The following RAB20 variants were observed in gnomAD, a reference collection of about 807,000 sequenced individuals.
RAB20 encodes the protein ras-related protein Rab-20.
In RAB20, 2 loss-of-function variants were observed where a neutral mutation model predicts 3.7. The ratio of observed to expected loss-of-function variants is 0.54; its 90% confidence interval spans 0.22 to 1.69. RAB20 has a LOEUF of 1.69. RAB20 is among the 40% of genes most tolerant of loss of function. The pLI is 0.19. For missense variants in RAB20, 276 were observed against 311.9 expected (o/e 0.88, Z 0.87); for synonymous variants, 126 against 130.8 (o/e 0.96, Z 0.25).
chr13:110,524,177 G>A lies in RAB20; in HGVS notation c.193C>T (p.Leu65=). Residue 65 remains leucine, a synonymous_variant, in exon 2 of 2, where the codon CTG becomes TTG. Transcript: ENST00000267328. ...DTAGREQFHG[L]GSMYCRGAAA... The stretch of plus-strand genomic sequence containing the variant: ...GCCCCCCGGCAGTACATGGAGCCCA[G>A]GCCGTGGAACTGCTCCCGCCCTGGT... The A allele has an allele frequency of 1.9e-6, 3 of 1,597,788 alleles. No individual in the cohort carries two copies. The highest frequency in any genetic ancestry group is 1.1e-5 in the South Asian group (1 of 90,618).
At chr13:110,530,103 C>T (rs533750338) in intron 1 of RAB20, among the ~76,000 whole-genome samples, 1 of 152,126 alleles carries the variant, frequency 6.6e-6, no homozygotes, top group Admixed American at 6.5e-5. Flanking sequence ...CAGACAGGGC[C>T]CTGGGGAGGC....
At chr13:110,558,638 T>A (rs1055143656) in intron 1 of RAB20, among the ~76,000 whole-genome samples, 1 of 149,540 alleles carries the variant, frequency 6.7e-6, no homozygotes, top group African/African-American at 2.5e-5. Context: ...CGCCTCACCC[T>A]CCTAAAGTGC....
chr13:110,531,269 C>G (rs1884536093), intron 1 of RAB20, among the ~76,000 whole-genome samples: 2 of 152,190 alleles, frequency 1.3e-5, no homozygotes, highest in South Asian at 4.1e-4. Context: ...GCCTAGGGCC[C>G]CTTTGAGGTG....
At chr13:110,554,565 C>G (rs2139590350) in intron 1 of RAB20, among the ~76,000 whole-genome samples, 1 of 152,322 alleles carries the variant, frequency 6.6e-6, no homozygotes, top group African/African-American at 2.4e-5. Context: ...AGGCCAATCT[C>G]TTAGCTAACT....
intron 1 of RAB20, among the ~76,000 whole-genome samples, chr13:110,543,364 C>T (rs529047124): frequency 6.6e-6 from 1 of 152,308 alleles, no homozygotes; most frequent in African/African-American, 2.4e-5. Context: ...CTTCTGGCCT[C>T]AAGTGATCCT....
At chr13:110,535,191 T>C (rs1566585474) in intron 1 of RAB20, among the ~76,000 whole-genome samples, 1 of 152,146 alleles carries the variant, frequency 6.6e-6, no homozygotes, top group Admixed American at 6.5e-5. Flanking sequence ...AAATTCAGAA[T>C]TCTTCCTCAT....
chr13:110,553,349 C>T (rs1321551800), intron 1 of RAB20, among the ~76,000 whole-genome samples: 1 of 152,220 alleles, frequency 6.6e-6, no homozygotes, highest in South Asian at 2.1e-4. Context: ...TTGAGTTGAA[C>T]TGAATCTTGG....
At chr13:110,527,857 G>A (rs1884456540) in intron 1 of RAB20, among the ~76,000 whole-genome samples, 1 of 151,528 alleles carries the variant, frequency 6.6e-6, no homozygotes, top group Admixed American at 6.6e-5. Flanking sequence ...CCAGGAGTTG[G>A]AGCCCAGCTT....
At chr13:110,543,773 TA>T (rs1474261481) in intron 1 of RAB20, among the ~76,000 whole-genome samples, 153 of 147,880 alleles carry the variant, frequency 1.0e-3, no homozygotes, top group Admixed American at 4.1e-3. Context: ...AAATGTGGGT[TA>T]TTTTTTTTTT....
At position 110,554,924 on chromosome 13, in the gene RAB20, C is replaced by A. The variant is rs150196626; in HGVS notation, c.172+6424G>T. On this transcript the variant is annotated intron_variant, in intron 1 of 1. Coordinates refer to ENST00000267328, the MANE Select transcript of RAB20 (RefSeq NM_017817.3). ...AGAAACCCGTACTCTAGGTCCTGAGCCAAGCAGCATCCAGACCTTGGGTTC... is the reference window on the plus strand; with the variant it reads ...AGAAACCCGTACTCTAGGTCCTGAGACAAGCAGCATCCAGACCTTGGGTTC... 2.4e-4 allele frequency among the ~76,000 whole-genome samples: 36 copies of A among 152,050 alleles called. 2 individuals carry two copies. The East Asian group carries it at 7.0e-3, about 30-fold the overall frequency.
intron 1 of RAB20, among the ~76,000 whole-genome samples, chr13:110,557,669 G>A (rs746597749): frequency 2.1e-4 from 32 of 152,238 alleles, no homozygotes; most frequent in Non-Finnish European, 4.1e-4. Context: ...CCAGTCCCCA[G>A]AGACGCAGCT....
chr13:110,559,487 G>A (rs917650502), intron 1 of RAB20, among the ~76,000 whole-genome samples: 1 of 151,886 alleles, frequency 6.6e-6, no homozygotes, highest in Non-Finnish European at 1.5e-5. Flanking sequence ...TCAGGCCACA[G>A]GCCACCGAGG....
chr13:110,561,297 C>T (rs1288180595), intron 1 of RAB20, 51 bp downstream of exon 1: 4 of 1,496,592 alleles, frequency 2.7e-6, no homozygotes, highest in Non-Finnish European at 3.6e-6. Flanking sequence ...CCGCGCCCCC[C>T]GTCCCCGGCG....
intron 1 of RAB20, among the ~76,000 whole-genome samples, chr13:110,536,922 C>T (rs1477106099): frequency 2.4e-4 from 11 of 46,334 alleles, no homozygotes; most frequent in Non-Finnish European, 4.9e-4. Context: ...AATGCTTTCC[C>T]TCCCCCCTCC....
In RAB20 at chr13:110,523,834, C is replaced by T; in HGVS notation, c.536G>A (p.Cys179Tyr). The T allele has an allele frequency of 2.5e-6, 4 of 1,614,236 alleles. No homozygotes were observed. Among genetic ancestry groups the T allele is most frequent in the Non-Finnish European group, 3.4e-6 (4 of 1,180,046 alleles). The change falls in exon 2 of 2, where the codon TGC becomes TAC. Residue 179 changes from cysteine to tyrosine, a missense_variant. Coordinates refer to ENST00000267328, the MANE Select transcript of RAB20 (RefSeq NM_017817.3). ...GCCGGTCTTGGCGCTGGTCTCAAAG[C>T]ACATTTGCTCAGCGGCCGGCACATC... ...EQDVPAAEQM[C>Y]FETSAKTGYN...
At position 110,561,701 on chromosome 13, in the gene RAB20, G is replaced by C; in HGVS notation, c.-182C>G. Reference sequence around the variant, plus strand: ...AGAGAGGAAGCGCGTGTGCGCGCCCGGGAAGGAGCTGGGTGCAGAGCACGG... The same window carrying C: ...AGAGAGGAAGCGCGTGTGCGCGCCCCGGAAGGAGCTGGGTGCAGAGCACGG... On this transcript the variant is annotated 5_prime_UTR_variant, in exon 1 of 2. Coordinates refer to ENST00000267328, the MANE Select transcript of RAB20 (RefSeq NM_017817.3). The C allele has an allele frequency of 8.8e-7, 1 of 1,139,876 alleles. No homozygotes were observed. The highest frequency in any genetic ancestry group is 1.1e-6 in the Non-Finnish European group (1 of 872,794). 70.6% of individuals were successfully genotyped at this position (1,139,876 alleles called of 1,614,324 possible). A position where few individuals can be genotyped will look rare whatever the true frequency, so the allele number is the denominator to read the frequency against.
intron 1 of RAB20, among the ~76,000 whole-genome samples, chr13:110,559,489 C>A (rs369236854): frequency 2.0e-5 from 3 of 152,006 alleles, no homozygotes; most frequent in African/African-American, 7.3e-5. Flanking sequence ...AGGCCACAGG[C>A]CACCGAGGAG....
At chr13:110,556,117 T>C (rs1163198835) in intron 1 of RAB20, among the ~76,000 whole-genome samples, 2 of 152,072 alleles carry the variant, frequency 1.3e-5, no homozygotes, top group Admixed American at 6.5e-5. Context: ...CAAAAGGAGG[T>C]GACACAGCCA....
At chr13:110,549,270 G>A (rs1038389144) in intron 1 of RAB20, among the ~76,000 whole-genome samples, 5 of 152,228 alleles carry the variant, frequency 3.3e-5, no homozygotes, top group Non-Finnish European at 7.3e-5. Flanking sequence ...TAAGTGTGTT[G>A]ATTTGTATCA....
Sources: allele counts gnomAD v4.1 joint callset (sites outside exome capture counted in the v4.1 genomes callset), GRCh38; gene constraint gnomAD v4.1.1; transcripts MANE v1.5; gene names NCBI Gene and HGNC (gene_info 2026-07-23, HGNC 2026-07-21).